The following ST8SIA5 variants were observed in gnomAD, a reference collection of about 807,000 sequenced individuals.
ST8SIA5 encodes the protein ST8 alpha-N-acetyl-neuraminide alpha-2,8-sialyltransferase 5, also known as alpha-2,8-sialyltransferase 8E.
In ST8SIA5, 24 loss-of-function variants were observed where a neutral mutation model predicts 40.2. The ratio of observed to expected loss-of-function variants is 0.60; its 90% CI spans 0.43 to 0.84. The LOEUF (loss-of-function observed/expected upper bound fraction) is 0.84. Among genes scored for constraint, ST8SIA5 ranks in the 40% least tolerant of loss-of-function variants. The pLI is 0.00. For missense variants in ST8SIA5, 465 were observed against 498.5 expected (o/e 0.93, Z 0.64); for synonymous variants, 198 against 201.8 (o/e 0.98, Z 0.16).
chr18:46,739,315 G>A (rs1156242203), intron 1 of ST8SIA5, among the ~76,000 whole-genome samples: 2 of 152,210 alleles, frequency 1.3e-5, no homozygotes, highest in Non-Finnish European at 2.9e-5. Flanking sequence ...GCTGAGGCGG[G>A]TGGATCACCT....
intron 1 of ST8SIA5, among the ~76,000 whole-genome samples, chr18:46,727,319 C>T (rs2039941161): frequency 6.6e-6 from 1 of 152,198 alleles, no homozygotes; most frequent in South Asian, 2.1e-4. Context: ...GACAACCTGG[C>T]TCAGCCAGGT....
chr18:46,715,830 T>C (rs996070761), intron 1 of ST8SIA5, among the ~76,000 whole-genome samples: 2 of 152,056 alleles, frequency 1.3e-5, no homozygotes, highest in African/African-American at 4.8e-5. Flanking sequence ...CAAGCAATCC[T>C]CCCGCCTCAG....
At chr18:46,693,938 A>C (rs769173309) in intron 2 of ST8SIA5, among the ~76,000 whole-genome samples, 33 of 152,194 alleles carry the variant, frequency 2.2e-4, no homozygotes, top group Admixed American at 3.3e-4. Flanking sequence ...TCAGTTAAGA[A>C]ATTGTTCCTT....
intron 1 of ST8SIA5, among the ~76,000 whole-genome samples, chr18:46,740,966 C>T: frequency 6.6e-6 from 1 of 152,234 alleles, no homozygotes; most frequent in Middle Eastern, 3.4e-3. Flanking sequence ...AATTTTATAA[C>T]TTCAAAAGTT....
chr18:46,729,160 C>T (rs918551919), intron 1 of ST8SIA5, among the ~76,000 whole-genome samples: 3 of 152,168 alleles, frequency 2.0e-5, no homozygotes, highest in African/African-American at 4.8e-5. Context: ...CCCACCAGGC[C>T]GTCCCACCTT....
At chr18:46,748,992 A>G (rs2040170047) in intron 1 of ST8SIA5, among the ~76,000 whole-genome samples, 1 of 152,258 alleles carries the variant, frequency 6.6e-6, no homozygotes, top group East Asian at 1.9e-4. Context: ...AACAGAATGC[A>G]GTCTATCCAT....
chr18:46,743,198 G>A (rs1230236228), intron 1 of ST8SIA5, among the ~76,000 whole-genome samples: 1 of 152,172 alleles, frequency 6.6e-6, no homozygotes, highest in African/African-American at 2.4e-5. Flanking sequence ...GAACAAAGCT[G>A]GACAGAGAAT....
At chr18:46,743,691 T>C (rs1030190815) in intron 1 of ST8SIA5, among the ~76,000 whole-genome samples, 1 of 152,012 alleles carries the variant, frequency 6.6e-6, no homozygotes, top group Non-Finnish European at 1.5e-5. Flanking sequence ...CAGGCCAAAC[T>C]TCAAATTCAG....
intron 1 of ST8SIA5, among the ~76,000 whole-genome samples, chr18:46,743,963 T>A (rs1015624495): frequency 6.6e-6 from 1 of 152,208 alleles, no homozygotes; most frequent in African/African-American, 2.4e-5. Flanking sequence ...CCAGCCAAAC[T>A]AAGCTTCATA....
chr18:46,695,055 A>T (rs1312427420), intron 2 of ST8SIA5, among the ~76,000 whole-genome samples: 2 of 151,178 alleles, frequency 1.3e-5, no homozygotes, highest in African/African-American at 4.9e-5. Context: ...GCTAGTTGGG[A>T]GGCTGAGGCA....
chr18:46,732,500 T>C (rs4121687), intron 1 of ST8SIA5, among the ~76,000 whole-genome samples: 134,226 of 152,184 alleles, frequency 0.88, 59,344 homozygotes, highest in East Asian at 1. Flanking sequence ...CCTTTACTGC[T>C]ATCCTCACAC....
At chr18:46,734,663 T>C (rs1029230481) in intron 1 of ST8SIA5, among the ~76,000 whole-genome samples, 14 of 152,330 alleles carry the variant, frequency 9.2e-5, no homozygotes, top group Admixed American at 6.5e-5. Context: ...CAGAGCATCC[T>C]TCCTTCTAAG....
At chr18:46,685,277 G>A (rs959663263) in intron 5 of ST8SIA5, among the ~76,000 whole-genome samples, 4 of 152,166 alleles carry the variant, frequency 2.6e-5, no homozygotes, top group Non-Finnish European at 5.9e-5. Flanking sequence ...TTTCCTGGCA[G>A]GAATGTGGCT....
chr18:46,711,673 G>A (rs995729153), intron 1 of ST8SIA5, among the ~76,000 whole-genome samples: 1 of 152,342 alleles, frequency 6.6e-6, no homozygotes, highest in South Asian at 2.1e-4. Context: ...GAAAATTGCA[G>A]CCTGACAATT....
intron 1 of ST8SIA5, among the ~76,000 whole-genome samples, chr18:46,740,959 T>A (rs1206468870): frequency 6.6e-6 from 1 of 152,154 alleles, no homozygotes; most frequent in Middle Eastern, 3.2e-3. Context: ...TAGAGGAAAT[T>A]TTATAACTTC....
At position 46,674,143 on chromosome 18, in the gene ST8SIA5, C is replaced by T. The variant is rs539464150; in HGVS notation, c.*5899G>A. The T allele has an allele frequency of 6.6e-6, 1 of 152,316 alleles. No individual in the cohort carries two copies. Among genetic ancestry groups the T allele is most frequent in the Admixed American group, 6.5e-5 (1 of 15,298 alleles). The allele number at this position is 152,316 out of a possible 1,614,324, so 9.4% of individuals were successfully genotyped here. ...GATAAATCCCTCTTACATTGCTTCCCAGGCTGCACCTCAGCCACAGTGATG... is the reference window on the plus strand; with the variant it reads ...GATAAATCCCTCTTACATTGCTTCCTAGGCTGCACCTCAGCCACAGTGATG... On this transcript the variant is annotated 3_prime_UTR_variant, in exon 7 of 7. Transcript: ENST00000315087.
At chr18:46,739,521 G>A (rs1034482791) in intron 1 of ST8SIA5, among the ~76,000 whole-genome samples, 4 of 152,168 alleles carry the variant, frequency 2.6e-5, no homozygotes, top group Admixed American at 6.5e-5. Context: ...GTAACAGAGC[G>A]AGACTCCACC....
rs372163614 is a variant in ST8SIA5 at position 46,677,427 on chromosome 18, T to G, written c.*2615A>C. 2.6e-5 allele frequency: 4 copies of G among 152,214 alleles called. No individual in the cohort carries two copies. The highest frequency in any genetic ancestry group is 9.6e-5 in the African/African-American group (4 of 41,530). 9.4% of individuals were successfully genotyped at this position (152,214 alleles called of 1,614,324 possible). On this transcript the variant is annotated 3_prime_UTR_variant, in exon 7 of 7. Coordinates refer to ENST00000315087, the MANE Select transcript of ST8SIA5 (RefSeq NM_013305.6). Reference sequence around the variant, plus strand: ...CTTACCCAAAGGGGTCTCATGATGATTACAGGAGATAATATAGGGAAAGTG... The same window carrying G: ...CTTACCCAAAGGGGTCTCATGATGAGTACAGGAGATAATATAGGGAAAGTG...
chr18:46,725,042 A>AGGAT (rs1568270557), intron 1 of ST8SIA5, among the ~76,000 whole-genome samples: 1 of 150,712 alleles, frequency 6.6e-6, no homozygotes, highest in Non-Finnish European at 1.5e-5. Context: ...GAAGGAAGGA[A>AGGAT]GGAAGGAAAA....
Sources: gnomAD v4.1 joint callset for allele counts (sites outside exome capture counted in the v4.1 genomes callset) on GRCh38, gnomAD v4.1.1 for gene constraint, MANE v1.5 for transcripts, NCBI Gene and HGNC (gene_info 2026-07-23, HGNC 2026-07-21) for gene names.